Variants in KDM5A observed in about 807,000 individuals in gnomAD.
KDM5A encodes lysine demethylase 5A, also known as lysine-specific demethylase 5A.
Under a neutral mutation model 193.5 loss-of-function variants are expected in KDM5A, and 42 were observed. The observed-to-expected ratio is 0.22, with a 90% CI of 0.17 to 0.28. The LOEUF (loss-of-function observed/expected upper bound fraction) is 0.28, where lower values mean the gene tolerates loss of function less well. Ranked by LOEUF, KDM5A falls within the 10% of genes least tolerant of loss-of-function variation. The pLI, the probability that KDM5A is intolerant of heterozygous loss-of-function variation, is 1.00. For missense variants in KDM5A, 1,692 were observed against 2,055.1 expected, an observed-to-expected ratio of 0.82 and a Z score of 3.42; for synonymous variants, 796 against 718.1, an observed-to-expected ratio of 1.11 and a Z score of -1.73.
chr12:309,132 A>G (rs1943550056), intron 22 of KDM5A, among the ~76,000 whole-genome samples: 1 of 152,242 alleles, frequency 6.6e-6, no homozygotes, highest in Non-Finnish European at 1.5e-5. Context: ...ACTTAGTAAC[A>G]GGCAAAATGC....
At chr12:347,443 C>T (rs938610695) in intron 10 of KDM5A, among the ~76,000 whole-genome samples, 1 of 152,122 alleles carries the variant, frequency 6.6e-6, no homozygotes, top group Admixed American at 6.6e-5. Context: ...AAAAAAGAGC[C>T]CGCATTGCCA....
chr12:384,431 A>C (rs895137744), intron 2 of KDM5A, among the ~76,000 whole-genome samples: 4 of 152,144 alleles, frequency 2.6e-5, no homozygotes, highest in African/African-American at 9.7e-5. Context: ...TTTCATCCCA[A>C]AACCATCCTC....
chr12:340,002 A>G (rs1455686811), intron 10 of KDM5A, among the ~76,000 whole-genome samples: 1 of 151,842 alleles, frequency 6.6e-6, no homozygotes, highest in Non-Finnish European at 1.5e-5. Context: ...CAGCCTCACA[A>G]GCAGCTCCAA....
At chr12:291,432 T>C (rs914470974) in intron 27 of KDM5A, among the ~76,000 whole-genome samples, 1 of 152,180 alleles carries the variant, frequency 6.6e-6, no homozygotes, top group Admixed American at 6.5e-5. Flanking sequence ...ACAGCCAAGA[T>C]CTAGGGTTCT....
In KDM5A at chr12:323,154, T is replaced by C; in HGVS notation, c.2203A>G (p.Arg735Gly). 1 of 1,536,942 alleles carries C rather than the reference T, an allele frequency of 6.5e-7. No individual in the cohort carries two copies. Among genetic ancestry groups the C allele is most frequent in the Non-Finnish European group, 8.7e-7 (1 of 1,145,516 alleles). ...ACCCAAGTGTCATAGGACTGTGCCC[T>C]GACTTTTACACCATATAGCAGAGAA... ...LPSLLYGVKV[R>G]AQSYDTWVSR... Residue 735 changes from arginine (R) to glycine (G), a missense_variant, in exon 16 of 28, where the codon AGG (arginine) becomes GGG (glycine). Around this residue, in one of 11 missense-constraint regions of KDM5A, gnomAD observed 965 missense variants for 1,061.0 expected, o/e 0.91. Coordinates refer to ENST00000399788, the MANE Select transcript of KDM5A (RefSeq NM_001042603.3).
rs1591922272 is a variant in KDM5A at position 342,935 on chromosome 12, G to T, written c.1308+7686C>A. 8.5e-5 allele frequency among the ~76,000 whole-genome samples: 13 copies of T among 152,248 alleles called. 1 individual carries two copies. Among genetic ancestry groups the T allele is most frequent in the Middle Eastern group, 3.4e-3 (1 of 294 alleles). On this transcript the variant is annotated intron_variant, in intron 10 of 27. Transcript: ENST00000399788. ...TTCACTGGGACTGCTTGGACAGTGG[G>T]TGCAGCCCACAGAGGGCTAGCTGAA...
chr12:365,470 C>A (rs181137184), intron 4 of KDM5A, among the ~76,000 whole-genome samples: 1 of 152,126 alleles, frequency 6.6e-6, no homozygotes, highest in Non-Finnish European at 1.5e-5. Context: ...AGCCAGAAAG[C>A]GGGTCAGGAA....
chr12:299,279 T>G (rs1943411371), intron 24 of KDM5A, among the ~76,000 whole-genome samples: 1 of 152,012 alleles, frequency 6.6e-6, no homozygotes, highest in Non-Finnish European at 1.5e-5. Context: ...AAGGAAAAAG[T>G]GTTAAGGGCA....
At position 388,980 on chromosome 12, in the gene KDM5A, G is replaced by C. The variant is rs760443125; in HGVS notation, c.112C>G (p.Arg38Gly). The change falls in exon 1 of 28, where the codon CGC (arginine) becomes GGC (glycine). Residue 38 changes from arginine to glycine, a missense_variant. By Grantham distance (125) the Arg-to-Gly change is moderately radical (BLOSUM62 -2). Around this residue, in one of 11 missense-constraint regions of KDM5A, gnomAD observed 84 missense variants for 68.2 expected, o/e 1.23. Coordinates refer to ENST00000399788, the MANE Select transcript of KDM5A (RefSeq NM_001042603.3). ...EFTDPLSFIG[R>G]IRPLAEKTGI... ...GTTTTCTCCGCCAAAGGCCGGATGC[G>C]GCCGATAAAGCTGAGCGGATCTGTG... 6.2e-7 allele frequency: 1 copy of C among 1,614,184 alleles called. No homozygotes were observed. The highest frequency in any genetic ancestry group is 8.5e-7 in the Non-Finnish European group (1 of 1,180,042).
chr12:354,037 T>A (rs1259196080), intron 8 of KDM5A, 39 bp downstream of exon 8: 3 of 1,528,062 alleles, frequency 2.0e-6, no homozygotes, highest in Non-Finnish European at 2.7e-6. Context: ...GTATTATTAT[T>A]TTTAGTTAAA....
At chr12:330,085 G>GTGTGTGTGTGTGTGTATA (rs377271333) in intron 13 of KDM5A, among the ~76,000 whole-genome samples, 2,488 of 139,256 alleles carry the variant, frequency 0.018, 48 homozygotes, top group East Asian at 0.076. Flanking sequence ...GTGTGTGTGT[G>GTGTGTGTGTGTGTGTATA]TATATATATA....
chr12:318,039 T>G, intron 19 of KDM5A, 67 bp downstream of exon 19: 1 of 1,189,856 alleles, frequency 8.4e-7, no homozygotes, highest in Admixed American at 1.8e-5. Context: ...AGCTTTTAAG[T>G]TCCTTCTTCC....
chr12:364,716 C>T (rs980385507), intron 4 of KDM5A, among the ~76,000 whole-genome samples: 18 of 141,942 alleles, frequency 1.3e-4, no homozygotes, highest in Non-Finnish European at 2.3e-4. Context: ...GCCCAGGAGG[C>T]GGAGCTTGCA....
chr12:294,752 ACTTAGAATCCAGAT>A (rs1423884501), intron 26 of KDM5A, among the ~76,000 whole-genome samples: 1 of 152,228 alleles, frequency 6.6e-6, no homozygotes, highest in Non-Finnish European at 1.5e-5. Flanking sequence ...CAAATGGCAG[ACTTAGAATCCAGAT>A]CTCTTTATTT....
chr12:327,767 C>G (rs1461325219), intron 14 of KDM5A, among the ~76,000 whole-genome samples: 2 of 152,122 alleles, frequency 1.3e-5, no homozygotes, highest in African/African-American at 2.4e-5. Context: ...AATCCCAACA[C>G]TTTGGGAGGC....
chr12:361,255 C>T (rs893022642), intron 5 of KDM5A, among the ~76,000 whole-genome samples: 3 of 151,782 alleles, frequency 2.0e-5, no homozygotes, highest in African/African-American at 4.8e-5. Context: ...ACTGCAGTGG[C>T]GAGATCCTGG....
rs779619954 is a variant in KDM5A at position 285,573 on chromosome 12, A to G, written c.4956T>C (p.Asp1652=). ...TCTTTGCACAGTTTATACAGATGTAATCTTCATTTTCAGCCATTTCTGGAG... is the reference window on the plus strand; with the variant it reads ...TCTTTGCACAGTTTATACAGATGTAGTCTTCATTTTCAGCCATTTCTGGAG... ...GVSPEMAENE[D]YICINCAKKQ... is the part of the protein sequence containing the mutation. Residue 1652 remains aspartate (D), a synonymous_variant, in exon 28 of 28, where the codon GAT becomes GAC. Transcript: ENST00000399788. 5.6e-6 allele frequency: 9 copies of G among 1,613,886 alleles called. No homozygotes were observed. The South Asian group carries it at 8.8e-5, about 16-fold the overall frequency.
At chr12:367,973 C>T (rs1489258193) in intron 3 of KDM5A, among the ~76,000 whole-genome samples, 1 of 152,184 alleles carries the variant, frequency 6.6e-6, no homozygotes, top group Non-Finnish European at 1.5e-5. Flanking sequence ...CAAACAGATT[C>T]TTGCACACCA....
intron 24 of KDM5A, among the ~76,000 whole-genome samples, chr12:304,681 A>G (rs1943484035): frequency 6.6e-6 from 1 of 152,142 alleles, no homozygotes; most frequent in Non-Finnish European, 1.5e-5. Context: ...TAAGATTCTC[A>G]TATAAATTCC....
Sources: allele counts gnomAD v4.1 joint callset (sites outside exome capture counted in the v4.1 genomes callset), GRCh38; gene constraint gnomAD v4.1.1; regional missense constraint gnomAD v4.1.1; transcripts MANE v1.5; gene names NCBI Gene and HGNC (gene_info 2026-07-23, HGNC 2026-07-21).